DDX27: variants seen among roughly 807,000 people sequenced by gnomAD.
DDX27 encodes the protein DEAD-box helicase 27.
In DDX27, 42 loss-of-function variants were observed where a neutral mutation model predicts 99.3. That is an observed-to-expected ratio of 0.42 (90% CI 0.33 to 0.55). The LOEUF is 0.55. Ranked by LOEUF, DDX27 falls within the 20% of genes least tolerant of loss-of-function variation. The pLI is 0.07. For missense variants in DDX27, 798 were observed against 976.8 expected (o/e 0.82, Z 2.44); for synonymous variants, 329 against 353.8 (o/e 0.93, Z 0.79).
At chr20:49,231,361 C>T (rs1600970492) in intron 9 of DDX27, among the ~76,000 whole-genome samples, 1 of 152,210 alleles carries the variant, frequency 6.6e-6, no homozygotes, top group Admixed American at 6.5e-5. Context: ...TTGGCTGACT[C>T]CCCCAGAACA....
intron 12 of DDX27, chr20:49,235,428 A>G (rs1041649941): frequency 9.4e-6 from 2 of 212,182 alleles, no homozygotes; most frequent in Non-Finnish European, 1.9e-5. Flanking sequence ...CTGATTGAAC[A>G]AGATTTAGAG....
chr20:49,231,491 A>C (rs1329803452), intron 9 of DDX27, among the ~76,000 whole-genome samples: 1 of 152,158 alleles, frequency 6.6e-6, no homozygotes, highest in Non-Finnish European at 1.5e-5. Context: ...TCAAAAGACC[A>C]AAAAAGGCGG....
intron 7 of DDX27, 68 bp from the exon 8 acceptor site, chr20:49,228,647 T>C: frequency 7.2e-7 from 1 of 1,398,030 alleles, no homozygotes; most frequent in Non-Finnish European, 9.6e-7. Context: ...TTCTGTGCTC[T>C]GGTGAAAACC....
intron 11 of DDX27, chr20:49,234,050 T>G: frequency 3.8e-6 from 1 of 266,566 alleles, no homozygotes; most frequent in East Asian, 6.5e-5. Context: ...CTTTTGTGAC[T>G]CTCTGCATTG....
At position 49,242,107 on chromosome 20, in the gene DDX27, A is replaced by G. The variant is rs983260173; in HGVS notation, c.2017A>G (p.Ile673Val). The G allele has an allele frequency of 6.2e-7, 1 of 1,614,084 alleles. No homozygotes were observed. The highest frequency in any genetic ancestry group is 8.5e-7 in the Non-Finnish European group (1 of 1,180,050). Residue 673 changes from isoleucine to valine, a missense_variant, in exon 18 of 21, where the codon ATC becomes GTC. Transcript: ENST00000618172. ...MTAEERSQFEILKAQMFAERL... is the reference protein window; with the variant it reads ...MTAEERSQFEVLKAQMFAERL... The stretch of plus-strand genomic sequence containing the variant: ...GGCAGAGGAAAGGTCTCAGTTTGAA[A>G]TCCTCAAGGCGCAGATGTTTGCTGA...
intron 16 of DDX27, among the ~76,000 whole-genome samples, chr20:49,241,467 G>GCTTTT (rs560457639): frequency 6.6e-6 from 1 of 151,826 alleles, no homozygotes; most frequent in Non-Finnish European, 1.5e-5. Context: ...AGTGCTTGCG[G>GCTTTT]CTTTTCTTTT....
At position 49,225,158 on chromosome 20, in the gene DDX27, C is replaced by T. The variant is rs140445736; in HGVS notation, c.559C>T (p.Leu187Phe). The T allele has an allele frequency of 9.0e-5, 146 of 1,614,066 alleles. No individual in the cohort carries two copies. The highest frequency in any genetic ancestry group is 1.2e-4 in the Non-Finnish European group (138 of 1,179,988). Residue 187 changes from leucine (L) to phenylalanine (F), a missense_variant, in exon 6 of 21, where the codon CTC (leucine) becomes TTC (phenylalanine). Physicochemically the swap from Leu to Phe is conservative, Grantham distance 22. Around this residue, in one of 2 missense-constraint regions of DDX27, gnomAD observed 245 missense variants for 248.8 expected, o/e 0.98. Transcript: ENST00000618172. ...AGATGCATCTCAGTACGATGAAAAC[C>T]TCTCGTTCCAGGACATGAACCTTTC... The part of the protein sequence containing the change: ...FEDASQYDEN[L>F]SFQDMNLSRP...
At position 49,233,358 on chromosome 20, in the gene DDX27, TC is replaced by T; in HGVS notation, c.1087del (p.His363ThrfsTer12). ...EQMKEIIRMCSHHRQTMLFSA... is the reference protein window; with the variant it reads ...EQMKEIIRMCXHHRQTMLFSA... ...GATGAAGGAGATCATCCGAATGTGTTCCCACCACCGCCAGACCATGCTCTTC... is the reference window on the plus strand; with the variant it reads ...GATGAAGGAGATCATCCGAATGTGTTCCACCACCGCCAGACCATGCTCTTC... On this transcript the variant is annotated frameshift_variant, in exon 10 of 21. Transcript: ENST00000618172. LOFTEE classifies it high-confidence loss of function. 6.2e-7 allele frequency: 1 copy of T among 1,613,998 alleles called. No homozygotes were observed. Among genetic ancestry groups the T allele is most frequent in the Non-Finnish European group, 8.5e-7 (1 of 1,180,012 alleles).
chr20:49,238,514 G>C (rs150902116), intron 14 of DDX27: 111 of 160,876 alleles, frequency 6.9e-4, no homozygotes, highest in African/African-American at 2.4e-3. Context: ...GCCCAGGCTG[G>C]AGTGTAGTGG....
At chr20:49,233,800 C>T in intron 11 of DDX27, 91 bp downstream of exon 11, 2 of 1,443,802 alleles carry the variant, frequency 1.4e-6, no homozygotes, top group South Asian at 2.5e-5. Context: ...TTCCCCTGCG[C>T]CTCTGCCGTC....
At chr20:49,243,515 A>G in intron 19 of DDX27, 114 bp from the exon 20 acceptor site, 2 of 899,450 alleles carry the variant, frequency 2.2e-6, no homozygotes, top group African/African-American at 1.7e-5. Flanking sequence ...GGGCCTGAAA[A>G]TGATGCATCC....
At chr20:49,224,362 C>CTTTTTTTTTT (rs10654735) in intron 4 of DDX27, among the ~76,000 whole-genome samples, 1 of 140,822 alleles carries the variant, frequency 7.1e-6, no homozygotes, top group African/African-American at 2.7e-5. Context: ...GTATTTCTTT[C>CTTTTTTTTTT]TTTCTTTTTT....
At chr20:49,237,364 G>A (rs1376007821) in intron 14 of DDX27, among the ~76,000 whole-genome samples, 1 of 87,524 alleles carries the variant, frequency 1.1e-5, no homozygotes, top group Admixed American at 1.1e-4. Flanking sequence ...TTTATTGTTG[G>A]AAATTAGTAA....
rs1365480496 is a variant in DDX27, at chr20:49,228,834, T to A, written c.826T>A (p.Ser276Thr). The change falls in exon 8 of 21, where the codon TCT becomes ACT. Residue 276 changes from serine (S) to threonine (T), a missense_variant. Around this residue, in one of 2 missense-constraint regions of DDX27, gnomAD observed 553 missense variants for 727.9 expected, o/e 0.76. Coordinates refer to ENST00000618172, the MANE Select transcript of DDX27 (RefSeq NM_017895.8). ...CCGAGAGCTGGGCATCCAGGTGCAC[T>A]CTGTCACCAGACAGCTGGCCCAGTT... ...PTRELGIQVH[S>T]VTRQLAQFCN... The A allele has an allele frequency of 6.2e-7, 1 of 1,611,632 alleles. No homozygotes were observed. Among genetic ancestry groups the A allele is most frequent in the Admixed American group, 1.7e-5 (1 of 59,920 alleles).
At chr20:49,234,598 G>C (rs1330545125) in intron 11 of DDX27, 1 of 186,802 alleles carries the variant, frequency 5.4e-6, no homozygotes, top group Non-Finnish European at 1.1e-5. Flanking sequence ...GCTGGTTCCT[G>C]CCTCCGGGCC....
At chr20:49,228,382 T>G (rs370079369) in intron 7 of DDX27, among the ~76,000 whole-genome samples, 1 of 152,068 alleles carries the variant, frequency 6.6e-6, no homozygotes, top group Non-Finnish European at 1.5e-5. Context: ...GTGATTCGCC[T>G]GCCTTGGCCT....
chr20:49,232,696 G>A (rs13038876), intron 9 of DDX27: 29,418 of 149,300 alleles, frequency 0.2, 2,904 homozygotes, highest in Non-Finnish European at 0.22. Flanking sequence ...CCTGGGAGGC[G>A]GAGCTTGCAG....
intron 16 of DDX27, among the ~76,000 whole-genome samples, chr20:49,239,586 A>T (rs946578631): frequency 6.6e-6 from 1 of 152,178 alleles, no homozygotes; most frequent in South Asian, 2.1e-4. Context: ...TGAGAATCTA[A>T]TGCTGCTGCT....
chr20:49,243,937 A>AG lies in DDX27; in HGVS notation c.*103_*104insG. ...TTTTCTCCATTTGTTTAAAAAAAAA[A>AG]CAAAAACAAAAAACAACACTTTGGT... On this transcript the variant is annotated 3_prime_UTR_variant, in exon 21 of 21. Transcript: ENST00000618172. 1 of 1,410,520 alleles carries AG rather than the reference A, an allele frequency of 7.1e-7. No individual in the cohort carries two copies. The highest frequency in any genetic ancestry group is 9.7e-7 in the Non-Finnish European group (1 of 1,027,002). 87.4% of individuals were successfully genotyped at this position (1,410,520 alleles called of 1,614,324 possible).
Sources: allele counts gnomAD v4.1 joint callset (sites outside exome capture counted in the v4.1 genomes callset), GRCh38; gene constraint gnomAD v4.1.1; regional missense constraint gnomAD v4.1.1; transcripts MANE v1.5; gene names NCBI Gene and HGNC (gene_info 2026-07-23, HGNC 2026-07-21).